Variants in DENND4C observed in about 807,000 individuals in gnomAD.
DENND4C encodes DENN domain containing 4C.
Under a neutral mutation model 203.0 loss-of-function variants are expected in DENND4C, and 108 were observed. The observed-to-expected ratio is 0.53, with a 90% CI of 0.46 to 0.62. DENND4C has a LOEUF of 0.62. DENND4C is among the 20% of genes least tolerant of loss of function. The pLI is 0.00. For synonymous variants in DENND4C, 871 were observed against 792.4 expected, an observed-to-expected ratio of 1.10 and a Z score of -1.67; for missense variants, 2,481 against 2,301.2, an observed-to-expected ratio of 1.08 and a Z score of -1.60.
At chr9:19,355,283 T>C (rs1825152131) in intron 26 of DENND4C, among the ~76,000 whole-genome samples, 1 of 152,188 alleles carries the variant, frequency 6.6e-6, no homozygotes, top group African/African-American at 2.4e-5. Flanking sequence ...TATTAATTAC[T>C]TGAAAGCATT....
At chr9:19,286,469 C>G (rs995938539) in intron 2 of DENND4C, among the ~76,000 whole-genome samples, 1 of 152,084 alleles carries the variant, frequency 6.6e-6, no homozygotes, top group South Asian at 2.1e-4. Flanking sequence ...TTGCCCCTTT[C>G]TTTTTTCATA....
At chr9:19,253,269 C>G (rs2131633795) in intron 1 of DENND4C, among the ~76,000 whole-genome samples, 1 of 152,318 alleles carries the variant, frequency 6.6e-6, no homozygotes, top group Non-Finnish European at 1.5e-5. Flanking sequence ...TTGGATGGTT[C>G]CTAGTAGTAG....
chr9:19,291,519 C>G (rs1836290337), intron 5 of DENND4C: 1 of 152,328 alleles, frequency 6.6e-6, no homozygotes, highest in Admixed American at 6.5e-5. Flanking sequence ...GCCTGGGCAA[C>G]ATAGCACAAC....
intron 1 of DENND4C, among the ~76,000 whole-genome samples, chr9:19,242,672 T>G (rs1274140940): frequency 2.6e-5 from 4 of 152,176 alleles, no homozygotes; most frequent in Non-Finnish European, 5.9e-5. Context: ...TTTTTTGTTT[T>G]TGAGACGGAG....
At position 19,346,282 on chromosome 9, in the gene DENND4C, G is replaced by A. The variant is rs1822865029; in HGVS notation, c.3513G>A (p.Glu1171=). 1.2e-6 allele frequency: 2 copies of A among 1,614,158 alleles called. No individual in the cohort carries two copies. The highest frequency in any genetic ancestry group is 1.7e-6 in the Non-Finnish European group (2 of 1,180,028). ...TGTCTGAAAGCACTTGGAATCCTGA[G>A]CACAGATCATCTCCGGTGCCAGAGA... The part of the protein sequence containing the change: ...TCMSESTWNP[E]HRSSPVPEML... Residue 1171 remains glutamate (E), a synonymous_variant, in exon 23 of 33, where the codon GAG becomes GAA. Coordinates refer to ENST00000434457, the MANE Select transcript of DENND4C (RefSeq NM_001330640.2).
In DENND4C at chr9:19,346,393, A is replaced by G. The variant is rs761683097; in HGVS notation, c.3624A>G (p.Leu1208=). 6.2e-7 allele frequency: 1 copy of G among 1,614,186 alleles called. No homozygotes were observed. Among genetic ancestry groups the G allele is most frequent in the Non-Finnish European group, 8.5e-7 (1 of 1,180,028 alleles). ...CAACAGTAGATACATATGAGAGTCTACTAAGTGATAGTAACAGTAATCAGT... is the reference window on the plus strand; with the variant it reads ...CAACAGTAGATACATATGAGAGTCTGCTAAGTGATAGTAACAGTAATCAGT... ...TTATVDTYES[L]LSDSNSNQSR... is the part of the protein sequence containing the mutation. The change falls in exon 23 of 33, where the codon CTA becomes CTG. Residue 1208 remains leucine, a synonymous_variant. Transcript: ENST00000434457.
Position 19,373,729 on chromosome 9 carries a change from T to C in DENND4C, c.*1556T>C, listed in dbSNP as rs915845713. The stretch of plus-strand genomic sequence containing the variant: ...ACTCTCTGCATGGTTTAAAAAGCCA[T>C]TGGTTTTGTGTGTGTTTACAGTAAT... On this transcript the variant is annotated 3_prime_UTR_variant, in exon 33 of 33. Transcript: ENST00000434457. 3.3e-5 allele frequency among the ~76,000 whole-genome samples: 5 copies of C among 152,148 alleles called. No homozygotes were observed. Among genetic ancestry groups the C allele is most frequent in the African/African-American group, 9.7e-5 (4 of 41,444 alleles).
intron 18 of DENND4C, 123 bp from the exon 19 acceptor site, chr9:19,336,147 G>T (rs964657671): frequency 4.8e-6 from 4 of 831,474 alleles, no homozygotes; most frequent in South Asian, 3.4e-5. Context: ...ATACCTCTTG[G>T]CCAGTATAAC....
intron 23 of DENND4C, among the ~76,000 whole-genome samples, chr9:19,350,491 C>T (rs975687736): frequency 6.6e-6 from 1 of 152,052 alleles, no homozygotes; most frequent in Non-Finnish European, 1.5e-5. Flanking sequence ...AGGCACACCA[C>T]GATCTTTCTT....
chr9:19,316,866 T>A, intron 12 of DENND4C, 27 bp downstream of exon 12: 1 of 1,554,920 alleles, frequency 6.4e-7, no homozygotes. Context: ...GTACAATTCC[T>A]TTTATTGAGG....
intron 30 of DENND4C, among the ~76,000 whole-genome samples, chr9:19,364,777 C>G (rs1190642938): frequency 6.6e-6 from 1 of 152,138 alleles, no homozygotes. Flanking sequence ...CACTTGTAAT[C>G]CCAGCTAGTT....
At position 19,316,688 on chromosome 9, in the gene DENND4C, A is replaced by G; in HGVS notation, c.1656A>G (p.Gln552=). The G allele has an allele frequency of 6.2e-7, 1 of 1,614,102 alleles. No homozygotes were observed. The highest frequency in any genetic ancestry group is 8.5e-7 in the Non-Finnish European group (1 of 1,179,990). Reference sequence around the variant, plus strand: ...CAATTGAAGCAGATTTCTCCTGGCAAAAGAAGATGACACAGCTTGAGATGG... The same window carrying G: ...CAATTGAAGCAGATTTCTCCTGGCAGAAGAAGATGACACAGCTTGAGATGG... ...MTPIEADFSW[Q]KKMTQLEMEI... The change falls in exon 12 of 33, where the codon CAA becomes CAG. Residue 552 remains glutamine (Q), a synonymous_variant. Coordinates refer to ENST00000434457, the MANE Select transcript of DENND4C (RefSeq NM_001330640.2).
chr9:19,334,570 G>C (rs920343402), intron 17 of DENND4C, among the ~76,000 whole-genome samples: 4 of 147,216 alleles, frequency 2.7e-5, no homozygotes, highest in African/African-American at 7.6e-5. Flanking sequence ...CTGTTGCCCA[G>C]GCTGGAGTGC....
At position 19,341,214 on chromosome 9, in the gene DENND4C, A is replaced by G. The variant is rs1002234523; in HGVS notation, c.3004+100A>G. On this transcript the variant is annotated intron_variant, in intron 21 of 32. Coordinates refer to ENST00000434457, the MANE Select transcript of DENND4C (RefSeq NM_001330640.2). ...GATAGCTTTGATGATTATTTTCACA[A>G]ATGTAAGGTCTGGCTCCTAAGATGC... The G allele has an allele frequency of 4.9e-6, 5 of 1,021,776 alleles. No individual in the cohort carries two copies. The African/African-American group carries it at 6.8e-5, about 14-fold the overall frequency. The allele number at this position is 1,021,776 out of a possible 1,614,324, so 63.3% of individuals were successfully genotyped here.
rs150347534 is a variant in DENND4C at position 19,253,400 on chromosome 9, G to T, written c.-18+22567G>T. On this transcript the variant is annotated intron_variant, in intron 1 of 32. Transcript: ENST00000434457. Reference sequence around the variant, plus strand: ...TTATGTATAAAACTTTCAGTGGCAGGTACAATGGTAGAGAATTAAACTAAC... The same window carrying T: ...TTATGTATAAAACTTTCAGTGGCAGTTACAATGGTAGAGAATTAAACTAAC... Among the ~76,000 whole-genome samples, 740 of 152,286 alleles carry T rather than the reference G, an allele frequency of 4.9e-3. 2 individuals carry two copies. Among genetic ancestry groups the T allele is most frequent in the African/African-American group, 0.013 (561 of 41,560 alleles).
At position 19,368,652 on chromosome 9, in the gene DENND4C, A is replaced by G. The variant is rs528123373; in HGVS notation, c.5525-1185A>G. 2.0e-5 allele frequency among the ~76,000 whole-genome samples: 3 copies of G among 152,228 alleles called. No individual in the cohort carries two copies. In the South Asian group the frequency reaches 6.2e-4, roughly 32 times the overall value. On this transcript the variant is annotated intron_variant, in intron 30 of 32. Transcript: ENST00000434457. The stretch of plus-strand genomic sequence containing the variant: ...TCTCTACAAAAAATAAAAATAAAAA[A>G]TTAGCTAGATGTGGTGGCATGCCCC...
intron 1 of DENND4C, among the ~76,000 whole-genome samples, chr9:19,236,491 G>A (rs16937415): frequency 0.076 from 11,606 of 152,324 alleles, 537 homozygotes; most frequent in South Asian, 0.16. Flanking sequence ...GCTGTGTCAT[G>A]AAGGGTCTTA....
chr9:19,303,804 G>A (rs371885510), intron 9 of DENND4C, among the ~76,000 whole-genome samples: 1 of 152,002 alleles, frequency 6.6e-6, no homozygotes, highest in Non-Finnish European at 1.5e-5. Flanking sequence ...TTTTATAGTA[G>A]AAGAAAAACA....
intron 30 of DENND4C, among the ~76,000 whole-genome samples, chr9:19,364,746 T>G (rs566777204): frequency 6.6e-6 from 1 of 151,976 alleles, no homozygotes; most frequent in African/African-American, 2.4e-5. Context: ...TACAAAAAAA[T>G]TTGCCAGGTG....
Sources: allele counts gnomAD v4.1 joint callset (sites outside exome capture counted in the v4.1 genomes callset), GRCh38; gene constraint gnomAD v4.1.1; transcripts MANE v1.5; gene names NCBI Gene and HGNC (gene_info 2026-07-23, HGNC 2026-07-21).